The following HAUS6 variants were observed in gnomAD, a reference collection of about 807,000 sequenced individuals.
The protein encoded by HAUS6 is HAUS augmin-like complex subunit 6.
A neutral mutation model predicts 106.8 loss-of-function variants in HAUS6; 80 were observed. The ratio of observed to expected loss-of-function variants is 0.75; its 90% CI spans 0.63 to 0.90. HAUS6 has a LOEUF of 0.90. Ranked by LOEUF, HAUS6 falls within the 40% of genes least tolerant of loss-of-function variation. The pLI is 0.00. For missense variants in HAUS6, 1,155 were observed against 1,118.1 expected (o/e 1.03, Z -0.47); for synonymous variants, 356 against 379.1 (o/e 0.94, Z 0.71).
intron 11 of HAUS6, among the ~76,000 whole-genome samples, chr9:19,071,926 G>A (rs1357375061): frequency 5.3e-5 from 8 of 152,144 alleles, no homozygotes; most frequent in Admixed American, 2.0e-4. Context: ...TAAATGGGCC[G>A]AGCCCAGTGG....
chr9:19,097,550 A>G (rs562394401), intron 1 of HAUS6, among the ~76,000 whole-genome samples: 313 of 152,234 alleles, frequency 2.1e-3, no homozygotes, highest in Non-Finnish European at 2.6e-3. Context: ...CCACAATGAG[A>G]TACCATCTCA....
rs544112947 is a variant in HAUS6 at position 19,070,429 on chromosome 9, G to A, written c.1295-129C>T. The A allele has an allele frequency of 2.6e-5, 16 of 615,652 alleles. No individual in the cohort carries two copies. The African/African-American group carries it at 2.8e-4, about 11-fold the overall frequency. The allele number at this position is 615,652 out of a possible 1,614,324, so 38.1% of individuals were successfully genotyped here. A position where few individuals can be genotyped will look rare whatever the true frequency, so the allele number is the denominator to read the frequency against. On this transcript the variant is annotated intron_variant, in intron 11 of 16. Transcript: ENST00000380502. ...AAAAACCAAAATATGAACACTAATA[G>A]GAAAACATAATTATTCAATTGATAA... is the stretch of plus-strand genomic sequence containing the variant.
At chr9:19,095,395 G>C (rs1449354360) in intron 2 of HAUS6, among the ~76,000 whole-genome samples, 4 of 151,738 alleles carry the variant, frequency 2.6e-5, no homozygotes, top group African/African-American at 9.7e-5. Context: ...AAGACTAAAA[G>C]GCTAGAATGT....
chr9:19,090,609 C>T (rs1282398396), intron 4 of HAUS6, among the ~76,000 whole-genome samples: 2 of 152,236 alleles, frequency 1.3e-5, no homozygotes, highest in African/African-American at 2.4e-5. Context: ...ATGATCCGCC[C>T]GCCCTGACCT....
At chr9:19,099,570 T>C (rs2131160544) in intron 1 of HAUS6, among the ~76,000 whole-genome samples, 1 of 152,020 alleles carries the variant, frequency 6.6e-6, no homozygotes, top group East Asian at 1.9e-4. Context: ...GCTCAAGCAA[T>C]ACTCCCACCT....
chr9:19,067,005 C>CA (rs1216759685), intron 12 of HAUS6, among the ~76,000 whole-genome samples: 1,574 of 119,700 alleles, frequency 0.013, 16 homozygotes, highest in African/African-American at 0.04. Flanking sequence ...AGTCCCTTCT[C>CA]AAAAAAAAAA....
In HAUS6 at chr9:19,079,607, T is replaced by C. The variant is rs560334062; in HGVS notation, c.1064+872A>G. Among the ~76,000 whole-genome samples the C allele has an allele frequency of 1.3e-4, 20 of 152,232 alleles. 1 individual carries two copies. In the South Asian group the frequency reaches 2.3e-3, roughly 17 times the overall value. Reference sequence around the variant, plus strand: ...AACTTTCACTCCCACTCTCTGTCCATTCCTATAAGCAGCCCATACTTTCTA... The same window carrying C: ...AACTTTCACTCCCACTCTCTGTCCACTCCTATAAGCAGCCCATACTTTCTA... On this transcript the variant is annotated intron_variant, in intron 9 of 16. Coordinates refer to ENST00000380502, the MANE Select transcript of HAUS6 (RefSeq NM_017645.5).
chr9:19,070,449 T>C, intron 11 of HAUS6, 149 bp from the exon 12 acceptor site: 1 of 610,880 alleles, frequency 1.6e-6, no homozygotes, highest in Non-Finnish European at 2.9e-6. Context: ...ATTATTCAAT[T>C]GATAAGTATA....
chr9:19,075,445 T>G (rs1020332542), intron 11 of HAUS6, among the ~76,000 whole-genome samples: 1 of 152,206 alleles, frequency 6.6e-6, no homozygotes, highest in African/African-American at 2.4e-5. Context: ...CTACAAGATG[T>G]AAAAAACTTG....
At chr9:19,099,194 T>C (rs1306916558) in intron 1 of HAUS6, among the ~76,000 whole-genome samples, 2 of 147,554 alleles carry the variant, frequency 1.4e-5, no homozygotes, top group Non-Finnish European at 3.0e-5. Flanking sequence ...TGAGACGGAG[T>C]CTCGCTCTGT....
intron 7 of HAUS6, among the ~76,000 whole-genome samples, chr9:19,085,628 A>C (rs1322696447): frequency 6.6e-6 from 1 of 151,988 alleles, no homozygotes; most frequent in African/African-American, 2.4e-5. Context: ...AAAAAAAAAA[A>C]AAGAAAACCT....
At chr9:19,057,772 A>C (rs62563590) in intron 16 of HAUS6, 189 bp downstream of exon 16, 24,909 of 430,358 alleles carry the variant, frequency 0.058, 856 homozygotes, top group Middle Eastern at 0.11. Flanking sequence ...AATCAATTGT[A>C]ACTATATATA....
chr9:19,072,960 T>C (rs1368857518), intron 11 of HAUS6, among the ~76,000 whole-genome samples: 1 of 152,068 alleles, frequency 6.6e-6, no homozygotes, highest in East Asian at 1.9e-4. Context: ...ATACAAACAT[T>C]AACAAAGAAC....
intron 2 of HAUS6, among the ~76,000 whole-genome samples, 188 bp from the exon 3 acceptor site, chr9:19,094,583 G>C (rs781682951): frequency 3.3e-5 from 5 of 152,138 alleles, no homozygotes; most frequent in Non-Finnish European, 7.3e-5. Flanking sequence ...CTTGAGGCCA[G>C]GAGTTTGAGA....
rs557109691 is a variant in HAUS6, at chr9:19,092,405, C to T, written c.436+766G>A. Among the ~76,000 whole-genome samples, 18 of 151,642 alleles carry T rather than the reference C, an allele frequency of 1.2e-4. No homozygotes were observed. In the East Asian group the frequency reaches 2.5e-3, roughly 21 times the overall value. On this transcript the variant is annotated intron_variant, in intron 4 of 16. Transcript: ENST00000380502. ...CCGAGGCAGGCGGATCACCTGAGGT[C>T]GGGAGTTTGAGACCAGCCTGACCAA... is the stretch of plus-strand genomic sequence containing the variant.
intron 9 of HAUS6, 54 bp from the exon 10 acceptor site, chr9:19,078,356 G>C: frequency 9.3e-7 from 1 of 1,070,978 alleles, no homozygotes; most frequent in Non-Finnish European, 1.4e-6. Flanking sequence ...AAAGCACTGA[G>C]TAAAATTTAA....
intron 1 of HAUS6, among the ~76,000 whole-genome samples, chr9:19,097,229 CA>C (rs1817883668): frequency 6.6e-6 from 1 of 152,122 alleles, no homozygotes; most frequent in South Asian, 2.1e-4. Flanking sequence ...GCAATGGCAA[CA>C]AAAGCCAAAA....
At chr9:19,060,602 G>A (rs1281460475) in intron 14 of HAUS6, among the ~76,000 whole-genome samples, 2 of 152,210 alleles carry the variant, frequency 1.3e-5, no homozygotes, top group Non-Finnish European at 2.9e-5. Context: ...AAAGGAAGCA[G>A]ACTCTTCTCA....
At chr9:19,080,415 C>A (rs768015983) in intron 9 of HAUS6, 64 bp downstream of exon 9, 195 of 996,232 alleles carry the variant, frequency 2.0e-4, no homozygotes, top group Admixed American at 3.6e-4. Context: ...TAAACTTATA[C>A]AAGTTTTGTT....
Sources: gnomAD v4.1 joint callset for allele counts (sites outside exome capture counted in the v4.1 genomes callset) on GRCh38, gnomAD v4.1.1 for gene constraint, MANE v1.5 for transcripts, NCBI Gene and HGNC (gene_info 2026-07-23, HGNC 2026-07-21) for gene names.